MLIP: variants seen among roughly 807,000 people sequenced by gnomAD.
MLIP encodes muscular LMNA interacting protein.
A neutral mutation model predicts 84.8 loss-of-function variants in MLIP; 79 were observed. The observed-to-expected ratio is 0.93, with a 90% CI of 0.78 to 1.12. The LOEUF (loss-of-function observed/expected upper bound fraction) is 1.12, where lower values mean the gene tolerates loss of function less well. Ranked by LOEUF, MLIP falls within the 50% of genes most tolerant of loss-of-function variation. MLIP has a pLI of 0.00. For missense variants in MLIP, 1,257 were observed against 1,160.6 expected (o/e 1.08, Z -1.21); for synonymous variants, 504 against 463.0 (o/e 1.09, Z -1.14).
rs1178193960 is a variant in MLIP at position 54,101,375 on chromosome 6, C to CTACT, written c.64-20071_64-20068dup. ...AGAGAAATGAATATTTATTGGGTACCTACTATGTGCCAGGCCATACACTAG... is the reference window on the plus strand; with the variant it reads ...AGAGAAATGAATATTTATTGGGTACCTACTTACTATGTGCCAGGCCATACACTAG... On this transcript the variant is annotated intron_variant, in intron 1 of 12. Transcript: ENST00000274897. 2.6e-5 allele frequency among the ~76,000 whole-genome samples: 4 copies of CTACT among 151,622 alleles called. No homozygotes were observed. The East Asian group carries it at 7.7e-4, about 29-fold the overall frequency.
intron 1 of MLIP, among the ~76,000 whole-genome samples, chr6:54,060,818 A>G (rs1765923147): frequency 6.6e-6 from 1 of 152,148 alleles, no homozygotes; most frequent in Non-Finnish European, 1.5e-5. Flanking sequence ...AAACAGACAA[A>G]TAGAGAAAAA....
chr6:54,208,458 C>T (rs547736623), intron 11 of MLIP, among the ~76,000 whole-genome samples: 1 of 151,098 alleles, frequency 6.6e-6, no homozygotes, highest in African/African-American at 2.4e-5. Context: ...TGGTGGCATG[C>T]ATTTGTAGTC....
chr6:54,145,608 C>A (rs1051934213), intron 4 of MLIP, among the ~76,000 whole-genome samples: 1 of 149,064 alleles, frequency 6.7e-6, no homozygotes, highest in Admixed American at 6.7e-5. Context: ...CCCATCTCTA[C>A]AAAAAAAATA....
intron 1 of MLIP, among the ~76,000 whole-genome samples, chr6:54,059,988 A>G (rs1246555458): frequency 6.6e-6 from 1 of 152,270 alleles, no homozygotes; most frequent in Non-Finnish European, 1.5e-5. Flanking sequence ...GATTTCTCCT[A>G]AAGTTTTATC....
At chr6:54,262,181 T>A (rs557318416) in intron 13 of MLIP, among the ~76,000 whole-genome samples, 1 of 152,074 alleles carries the variant, frequency 6.6e-6, no homozygotes, top group Non-Finnish European at 1.5e-5. Flanking sequence ...GGAAATGTAA[T>A]TTAAAAACAG....
At chr6:54,129,179 T>C (rs891397674) in intron 3 of MLIP, among the ~76,000 whole-genome samples, 4 of 152,118 alleles carry the variant, frequency 2.6e-5, no homozygotes, top group Non-Finnish European at 5.9e-5. Context: ...GTAAGTTATT[T>C]GGATGGGGCA....
chr6:54,071,809 G>T (rs2150344473), intron 1 of MLIP, among the ~76,000 whole-genome samples: 1 of 152,252 alleles, frequency 6.6e-6, no homozygotes, highest in East Asian at 1.9e-4. Flanking sequence ...GGAAAAAAGA[G>T]AGAGAAATGA....
At chr6:54,074,523 C>A (rs765998887) in intron 1 of MLIP, among the ~76,000 whole-genome samples, 2 of 151,890 alleles carry the variant, frequency 1.3e-5, no homozygotes, top group African/African-American at 2.4e-5. Context: ...TGATATTTTG[C>A]GGTAAGAAGG....
At chr6:54,089,797 C>T (rs1313495838) in intron 1 of MLIP, among the ~76,000 whole-genome samples, 1 of 152,184 alleles carries the variant, frequency 6.6e-6, no homozygotes. Flanking sequence ...GAACTGCTGC[C>T]GATCTTCAAC....
chr6:54,187,854 A>G (rs974034591), intron 9 of MLIP, among the ~76,000 whole-genome samples: 1 of 152,076 alleles, frequency 6.6e-6, no homozygotes, highest in Non-Finnish European at 1.5e-5. Context: ...AAAAATACAA[A>G]AAATTAGCCA....
chr6:54,069,207 T>C (rs1045711431), intron 1 of MLIP, among the ~76,000 whole-genome samples: 18 of 101,426 alleles, frequency 1.8e-4, no homozygotes, highest in African/African-American at 4.6e-4. Flanking sequence ...ATTTTTATAC[T>C]AGTTTATTCA....
In MLIP at chr6:54,219,200, G is replaced by A. The variant is rs1480544979; in HGVS notation, c.2719-11514G>A. 6.0e-5 allele frequency among the ~76,000 whole-genome samples: 9 copies of A among 150,398 alleles called. No individual in the cohort carries two copies. In the South Asian group the frequency reaches 8.4e-4, roughly 14 times the overall value. On this transcript the variant is annotated intron_variant, in intron 11 of 13. Coordinates refer to ENST00000502396, the MANE Select transcript of MLIP (RefSeq NM_001281747.2). ...CAGCCTGGGGACAGAGCGAGACTCC[G>A]TCTCAAAAAAAATAAAAATAAAAAA...
chr6:54,037,061 G>T (rs1323380865), intron 1 of MLIP, among the ~76,000 whole-genome samples: 1 of 151,990 alleles, frequency 6.6e-6, no homozygotes, highest in Non-Finnish European at 1.5e-5. Flanking sequence ...TCTTGTCCTT[G>T]GTCCACACAT....
At chr6:54,160,883 T>A in intron 8 of MLIP, 84 bp downstream of exon 8, 1 of 1,110,424 alleles carries the variant, frequency 9.0e-7, no homozygotes, top group Non-Finnish European at 1.3e-6. Context: ...GGTCCAATAG[T>A]GAATTGAGAA....
intron 1 of MLIP, among the ~76,000 whole-genome samples, chr6:54,097,901 A>G (rs1768328614): frequency 1.3e-5 from 2 of 152,260 alleles, no homozygotes; most frequent in Middle Eastern, 3.4e-3. Flanking sequence ...CATGTTTGTC[A>G]AATTCCCCAA....
intron 3 of MLIP, among the ~76,000 whole-genome samples, chr6:54,133,630 G>A (rs916314970): frequency 1.3e-5 from 2 of 152,116 alleles, no homozygotes; most frequent in African/African-American, 4.8e-5. Flanking sequence ...ATATACAGGA[G>A]CAGTTTATTT....
chr6:54,230,613 C>G (rs2275770), intron 11 of MLIP, 101 bp from the exon 12 acceptor site: 86,512 of 1,004,796 alleles, frequency 0.086, 5,516 homozygotes, highest in African/African-American at 0.21. Context: ...TGTCTTCTTA[C>G]TGGTAAGAGA....
intron 5 of MLIP, among the ~76,000 whole-genome samples, chr6:54,150,738 A>T (rs907997531): frequency 6.6e-6 from 1 of 152,182 alleles, no homozygotes; most frequent in African/African-American, 2.4e-5. Context: ...AGATGTCAGT[A>T]CTGTTTCCAG....
chr6:54,232,048 C>T (rs1781042062), intron 12 of MLIP, among the ~76,000 whole-genome samples: 1 of 152,032 alleles, frequency 6.6e-6, no homozygotes, highest in South Asian at 2.1e-4. Flanking sequence ...TTCAATATGA[C>T]ATTTTTCTGA....
Sources: allele counts gnomAD v4.1 joint callset (sites outside exome capture counted in the v4.1 genomes callset), GRCh38; gene constraint gnomAD v4.1.1; transcripts MANE v1.5; gene names NCBI Gene and HGNC (gene_info 2026-07-23, HGNC 2026-07-21).